CENPP: variants seen among roughly 807,000 people sequenced by gnomAD.
The protein encoded by CENPP is centromere protein P.
In CENPP, 24 loss-of-function variants were observed where a neutral mutation model predicts 35.6. That is an observed-to-expected ratio of 0.67 (90% CI 0.49 to 0.95). The LOEUF (loss-of-function observed/expected upper bound fraction) is 0.95. Among genes scored for constraint, CENPP ranks in the 40% least tolerant of loss-of-function variants. CENPP has a pLI of 0.00. For missense variants in CENPP, 332 were observed against 345.3 expected (o/e 0.96, Z 0.31); for synonymous variants, 120 against 125.5 (o/e 0.96, Z 0.29).
rs765335061 is a variant in CENPP at position 92,609,647 on chromosome 9, T to C, written c.565-1667T>C. ...AGAGACTAGCCCTAGGAGCTCGACA[T>C]CTCAGGCGGAGCCTACCGTGAAAGT... is the stretch of plus-strand genomic sequence containing the variant. On this transcript the variant is annotated intron_variant, in intron 5 of 7. Coordinates refer to ENST00000375587, the MANE Select transcript of CENPP (RefSeq NM_001012267.3). Among the ~76,000 whole-genome samples the C allele has an allele frequency of 7.9e-4, 121 of 152,246 alleles. 3 individuals carry two copies. Among genetic ancestry groups the C allele is most frequent in the Admixed American group, 1.4e-3 (22 of 15,280 alleles).
chr9:92,415,464 T>C (rs1241833277), intron 5 of CENPP: 7 of 1,584,890 alleles, frequency 4.4e-6, no homozygotes, highest in Non-Finnish European at 6.0e-6. Context: ...GACACATCAC[T>C]GTAAGATTCA....
intron 5 of CENPP, among the ~76,000 whole-genome samples, chr9:92,406,170 C>G (rs1035143863): frequency 3.3e-5 from 5 of 151,984 alleles, no homozygotes; most frequent in African/African-American, 1.2e-4. Flanking sequence ...TCACGTGCTC[C>G]CCTTAGGGAG....
At chr9:92,415,221 A>T in intron 5 of CENPP, 1 of 1,613,850 alleles carries the variant, frequency 6.2e-7, no homozygotes, top group Non-Finnish European at 8.5e-7. Context: ...GGCTCTCATG[A>T]GCATTGTCAG....
intron 5 of CENPP, chr9:92,417,493 A>G (rs1480430605): frequency 1.9e-6 from 3 of 1,613,782 alleles, no homozygotes; most frequent in African/African-American, 1.3e-5. Context: ...GATAAGTTTC[A>G]TATTGGCAAT....
At chr9:92,337,509 G>T in intron 2 of CENPP, 32 bp from the exon 3 acceptor site, 1 of 1,280,514 alleles carries the variant, frequency 7.8e-7, no homozygotes, top group Non-Finnish European at 1.1e-6. Context: ...ATGGCTATTT[G>T]CAAACAAAAT....
At chr9:92,510,097 A>G (rs1393322084) in intron 5 of CENPP, 2 of 1,524,280 alleles carry the variant, frequency 1.3e-6, no homozygotes, top group African/African-American at 2.8e-5. Context: ...CACATTTCAT[A>G]TAATGGTCGT....
intron 5 of CENPP, among the ~76,000 whole-genome samples, chr9:92,588,252 T>A (rs1850586313): frequency 6.6e-6 from 1 of 151,796 alleles, no homozygotes; most frequent in Non-Finnish European, 1.5e-5. Context: ...TTTGTTTGTT[T>A]GTTTTGGTTT....
chr9:92,367,618 T>G (rs568174829), intron 4 of CENPP, among the ~76,000 whole-genome samples: 2 of 152,280 alleles, frequency 1.3e-5, no homozygotes, highest in East Asian at 3.9e-4. Flanking sequence ...CATTTTATTT[T>G]ATTTTATTTA....
At chr9:92,372,646 C>A (rs1842037263) in intron 4 of CENPP, among the ~76,000 whole-genome samples, 1 of 152,122 alleles carries the variant, frequency 6.6e-6, no homozygotes, top group East Asian at 1.9e-4. Context: ...ATTCTTTTAG[C>A]ATTTGTGTTG....
At chr9:92,412,890 T>C (rs1031188423) in intron 5 of CENPP, among the ~76,000 whole-genome samples, 1 of 152,048 alleles carries the variant, frequency 6.6e-6, no homozygotes, top group African/African-American at 2.4e-5. Context: ...TGGACATTTA[T>C]ATGCAAATTT....
At chr9:92,451,877 A>C (rs1035105916) in intron 5 of CENPP, among the ~76,000 whole-genome samples, 5 of 151,792 alleles carry the variant, frequency 3.3e-5, no homozygotes, top group African/African-American at 9.7e-5. Context: ...ATGGGAGTTC[A>C]CTCATGATTT....
chr9:92,601,235 A>G (rs909660847), intron 5 of CENPP, among the ~76,000 whole-genome samples: 1 of 152,198 alleles, frequency 6.6e-6, no homozygotes, highest in Admixed American at 6.5e-5. Flanking sequence ...AATCCACACA[A>G]TTAGACTTGG....
intron 4 of CENPP, among the ~76,000 whole-genome samples, chr9:92,373,269 A>AAT (rs1042864544): frequency 9.2e-5 from 14 of 151,406 alleles, no homozygotes; most frequent in Middle Eastern, 3.4e-3. Flanking sequence ...TTTATTTAAA[A>AAT]ATATATATAT....
chr9:92,435,709 G>C (rs1844230129), intron 5 of CENPP, among the ~76,000 whole-genome samples: 1 of 152,136 alleles, frequency 6.6e-6, no homozygotes, highest in African/African-American at 2.4e-5. Context: ...ATAATTATCT[G>C]GGGATTCATT....
At chr9:92,377,486 A>G (rs186483224) in intron 4 of CENPP, among the ~76,000 whole-genome samples, 1 of 152,312 alleles carries the variant, frequency 6.6e-6, no homozygotes, top group East Asian at 1.9e-4. Context: ...TAAGACTGCT[A>G]CTGTGGCCAG....
At chr9:92,512,143 T>G in intron 5 of CENPP, 2 of 1,592,308 alleles carry the variant, frequency 1.3e-6, no homozygotes, top group Non-Finnish European at 1.7e-6. Context: ...CACACAGCGG[T>G]TATGTTTTAG....
chr9:92,502,281 C>T (rs1381900567), intron 5 of CENPP, among the ~76,000 whole-genome samples: 1 of 152,154 alleles, frequency 6.6e-6, no homozygotes, highest in Non-Finnish European at 1.5e-5. Context: ...GTGACAACAA[C>T]AGTAGTTACT....
At chr9:92,570,699 G>T (rs556641426) in intron 5 of CENPP, among the ~76,000 whole-genome samples, 2 of 152,100 alleles carry the variant, frequency 1.3e-5, no homozygotes, top group Non-Finnish European at 2.9e-5. Context: ...CTGTGAATCC[G>T]TCTGGTCCTG....
intron 5 of CENPP, among the ~76,000 whole-genome samples, chr9:92,434,455 T>A (rs1844198638): frequency 1.3e-5 from 2 of 151,676 alleles, no homozygotes; most frequent in South Asian, 2.1e-4. Context: ...CTAATAAGAT[T>A]TGTGTAAGAA....
Sources: allele counts gnomAD v4.1 joint callset (sites outside exome capture counted in the v4.1 genomes callset), GRCh38; gene constraint gnomAD v4.1.1; transcripts MANE v1.5; gene names NCBI Gene and HGNC (gene_info 2026-07-23, HGNC 2026-07-21).